DLGAP5: variants seen among roughly 807,000 people sequenced by gnomAD.
The protein encoded by DLGAP5 is DLG associated protein 5, also known as disks large-associated protein 5.
Under a neutral mutation model 99.6 loss-of-function variants are expected in DLGAP5, and 90 were observed. The observed-to-expected ratio is 0.90, with a 90% CI of 0.76 to 1.08. The LOEUF (loss-of-function observed/expected upper bound fraction) is 1.08, where lower values mean the gene tolerates loss of function less well. Ranked by LOEUF, DLGAP5 falls within the 50% of genes least tolerant of loss-of-function variation. DLGAP5 has a pLI of 0.00. For synonymous variants in DLGAP5, 311 were observed against 321.3 expected (o/e 0.97, Z 0.34); for missense variants, 1,036 against 983.5 (o/e 1.05, Z -0.71).
In DLGAP5 at chr14:55,183,648, C is replaced by T. The variant is rs768961133; in HGVS notation, c.344G>A (p.Arg115Gln). The T allele has an allele frequency of 3.7e-6, 6 of 1,612,276 alleles. No individual in the cohort carries two copies. Among genetic ancestry groups the T allele is most frequent in the African/African-American group, 2.7e-5 (2 of 74,774 alleles). The change falls in exon 3 of 19, where the codon CGA (arginine) becomes CAA (glutamine). Residue 115 changes from arginine (R) to glutamine (Q), a missense_variant. Physicochemically the swap from Arg to Gln is conservative, Grantham distance 43. Coordinates refer to ENST00000247191, the MANE Select transcript of DLGAP5 (RefSeq NM_014750.5). Reference protein sequence around the residue: ...KLKEQREKAKRGIFKVGRYRP... With the variant: ...KLKEQREKAKQGIFKVGRYRP... The stretch of plus-strand genomic sequence containing the variant: ...ATAACGACCCACTTTAAATATTCCT[C>T]GTTTAGCTTTCTCTCTCTGCTCTTT...
chr14:55,149,924 G>C (rs989442459), intron 18 of DLGAP5, among the ~76,000 whole-genome samples: 4 of 151,814 alleles, frequency 2.6e-5, no homozygotes, highest in African/African-American at 9.7e-5. Flanking sequence ...GTGGTGGCAA[G>C]CACCTGTAAT....
intron 2 of DLGAP5, among the ~76,000 whole-genome samples, chr14:55,188,665 C>T (rs1033199122): frequency 6.6e-6 from 1 of 151,458 alleles, no homozygotes; most frequent in Non-Finnish European, 1.5e-5. Flanking sequence ...GTAATCCCCA[C>T]ACTTTGGGAG....
At chr14:55,186,356 C>G (rs1883436247) in intron 2 of DLGAP5, among the ~76,000 whole-genome samples, 1 of 152,198 alleles carries the variant, frequency 6.6e-6, no homozygotes, top group Non-Finnish European at 1.5e-5. Context: ...AGCAGTAATT[C>G]CTTGTTATCT....
intron 2 of DLGAP5, 88 bp downstream of exon 2, chr14:55,188,854 C>T (rs1043599384): frequency 8.9e-6 from 8 of 894,240 alleles, no homozygotes; most frequent in Non-Finnish European, 1.2e-5. Flanking sequence ...CAAAACTCTT[C>T]TGGCCAGAGT....
chr14:55,184,664 T>C (rs1343221974), intron 2 of DLGAP5, among the ~76,000 whole-genome samples: 1 of 152,178 alleles, frequency 6.6e-6, no homozygotes, highest in African/African-American at 2.4e-5. Context: ...AGAAGCCAGG[T>C]GCCATGTGGG....
At chr14:55,175,320 C>A in intron 10 of DLGAP5, 26 bp downstream of exon 10, 3 of 1,592,362 alleles carry the variant, frequency 1.9e-6, no homozygotes, top group Non-Finnish European at 2.6e-6. Flanking sequence ...ATACAAAATT[C>A]TTACACTAGA....
At chr14:55,166,601 T>C (rs1309156890) in intron 12 of DLGAP5, among the ~76,000 whole-genome samples, 4 of 151,772 alleles carry the variant, frequency 2.6e-5, no homozygotes, top group African/African-American at 4.8e-5. Context: ...CGGTGGCACA[T>C]GACTGTAATC....
chr14:55,190,289 T>TACACACACACACACACAC (rs142940996), intron 1 of DLGAP5, among the ~76,000 whole-genome samples: 247 of 147,412 alleles, frequency 1.7e-3, no homozygotes, highest in African/African-American at 5.7e-3. Flanking sequence ...AGAAAAGCCA[T>TACACACACACACACACAC]ACACACACAC....
intron 10 of DLGAP5, among the ~76,000 whole-genome samples, chr14:55,173,833 T>C (rs1472116942): frequency 6.7e-6 from 1 of 149,400 alleles, no homozygotes; most frequent in Non-Finnish European, 1.5e-5. Context: ...TGATTTCCTA[T>C]GCCTGTCTTT....
intron 13 of DLGAP5, among the ~76,000 whole-genome samples, 175 bp from the exon 14 acceptor site, chr14:55,158,916 G>T (rs1263461674): frequency 1.3e-5 from 2 of 151,974 alleles, no homozygotes; most frequent in Non-Finnish European, 2.9e-5. Context: ...AGGTAAAAAG[G>T]TAAAGGACAG....
intron 14 of DLGAP5, 114 bp downstream of exon 14, chr14:55,158,408 T>G (rs12882439): frequency 1.2e-6 from 1 of 812,480 alleles, no homozygotes; most frequent in East Asian, 2.7e-5. Context: ...AAAACTTATG[T>G]CTCTTCATGT....
At position 55,163,068 on chromosome 14, in the gene DLGAP5, T is replaced by A. The variant is rs746678458; in HGVS notation, c.1556A>T (p.Asp519Val). 3 of 1,587,952 alleles carry A rather than the reference T, an allele frequency of 1.9e-6. No homozygotes were observed. Among genetic ancestry groups the A allele is most frequent in the Non-Finnish European group, 2.6e-6 (3 of 1,166,164 alleles). ...CAGATTGTTGAATTTGTGGATTACA[T>A]CTTCTATCTGTTAATAAAGCACAAG... ...FWDMVSFQIE[D>V]VIHKFNNLIK... Residue 519 changes from aspartate to valine, a missense_variant, in exon 13 of 19, where the codon GAT becomes GTT. By Grantham distance (152) the Asp-to-Val change is radical. Transcript: ENST00000247191.
intron 18 of DLGAP5, among the ~76,000 whole-genome samples, chr14:55,149,771 C>A (rs901232674): frequency 6.9e-6 from 1 of 144,440 alleles, no homozygotes; most frequent in Non-Finnish European, 1.5e-5. Flanking sequence ...ATCGGCCAGG[C>A]ACGGTGGCTC....
chr14:55,158,935 C>T (rs150696442), intron 13 of DLGAP5, among the ~76,000 whole-genome samples, 194 bp from the exon 14 acceptor site: 16 of 152,068 alleles, frequency 1.1e-4, no homozygotes, highest in African/African-American at 3.4e-4. Context: ...AGAGTTGCTG[C>T]CCTCAAGGAG....
intron 10 of DLGAP5, among the ~76,000 whole-genome samples, chr14:55,174,637 A>C (rs1882990819): frequency 6.6e-6 from 1 of 152,066 alleles, no homozygotes; most frequent in Non-Finnish European, 1.5e-5. Context: ...CTTAAGGAAA[A>C]CAGAAAAGAA....
rs183150289 is a variant in DLGAP5, at chr14:55,158,941, A to C, written c.1654-200T>G. On this transcript the variant is annotated intron_variant, in intron 13 of 18. Transcript: ENST00000247191. ...GTAAAGGACAGAGTTGCTGCCCTCAAGGAGTTTGCAGCTTAGTAGAAGATC... is the reference window on the plus strand; with the variant it reads ...GTAAAGGACAGAGTTGCTGCCCTCACGGAGTTTGCAGCTTAGTAGAAGATC... 2.3e-3 allele frequency among the ~76,000 whole-genome samples: 344 copies of C among 152,292 alleles called. 1 individual carries two copies. Among genetic ancestry groups the C allele is most frequent in the African/African-American group, 8.1e-3 (336 of 41,560 alleles).
intron 3 of DLGAP5, among the ~76,000 whole-genome samples, 199 bp from the exon 4 acceptor site, chr14:55,182,631 C>T (rs1445872800): frequency 6.6e-6 from 1 of 152,126 alleles, no homozygotes; most frequent in Non-Finnish European, 1.5e-5. Context: ...ACTCACATTT[C>T]TCAGTGAGAA....
chr14:55,156,652 T>G (rs1882226054), intron 14 of DLGAP5, among the ~76,000 whole-genome samples: 1 of 152,238 alleles, frequency 6.6e-6, no homozygotes, highest in Non-Finnish European at 1.5e-5. Context: ...CTTAACCATG[T>G]GCAGGCAGTG....
intron 13 of DLGAP5, among the ~76,000 whole-genome samples, chr14:55,159,950 C>G (rs1344886590): frequency 6.6e-6 from 1 of 152,164 alleles, no homozygotes; most frequent in African/African-American, 2.4e-5. Flanking sequence ...CAACTGTAAT[C>G]CCCGCACTTT....
Sources: gnomAD v4.1 joint callset for allele counts (sites outside exome capture counted in the v4.1 genomes callset) on GRCh38, gnomAD v4.1.1 for gene constraint, MANE v1.5 for transcripts, NCBI Gene and HGNC (gene_info 2026-07-23, HGNC 2026-07-21) for gene names.